SMPD3: variants seen among roughly 807,000 people sequenced by gnomAD.
SMPD3 encodes sphingomyelin phosphodiesterase 3, also known as nSMase-2.
In SMPD3, 21 loss-of-function variants were observed where a neutral mutation model predicts 55.7. The observed-to-expected ratio is 0.38, with a 90% CI of 0.27 to 0.54. The LOEUF is 0.54. Ranked by LOEUF, SMPD3 falls within the 20% of genes least tolerant of loss-of-function variation. The probability of loss-of-function intolerance (pLI) is 0.80; values close to 1 mark genes in which losing one functional copy is unlikely to be tolerated. For missense variants in SMPD3, 842 were observed against 899.6 expected, an observed-to-expected ratio of 0.94 and a Z score of 0.82; for synonymous variants, 457 against 404.3, an observed-to-expected ratio of 1.13 and a Z score of -1.56.
intron 1 of SMPD3, among the ~76,000 whole-genome samples, chr16:68,442,875 C>T (rs72792258): frequency 6.6e-6 from 1 of 152,310 alleles, no homozygotes; most frequent in Non-Finnish European, 1.5e-5. Context: ...TCCAAGCGCC[C>T]TCGGGAAAAG....
chr16:68,405,633 A>C (rs2090248968), intron 1 of SMPD3, among the ~76,000 whole-genome samples: 1 of 151,896 alleles, frequency 6.6e-6, no homozygotes, highest in African/African-American at 2.4e-5. Context: ...TGCCCCCATC[A>C]TGGGCCTCAC....
intron 1 of SMPD3, among the ~76,000 whole-genome samples, chr16:68,428,558 T>G (rs952925477): frequency 1.3e-5 from 2 of 152,116 alleles, no homozygotes; most frequent in Non-Finnish European, 2.9e-5. Flanking sequence ...CTGTCTTGAG[T>G]CTGGACTTCA....
intron 2 of SMPD3, among the ~76,000 whole-genome samples, chr16:68,374,255 T>C (rs1452017183): frequency 6.6e-6 from 1 of 152,184 alleles, no homozygotes; most frequent in Non-Finnish European, 1.5e-5. Context: ...GGGGTTTCTG[T>C]GGGGCATGTC....
At chr16:68,414,724 T>C (rs1482366406) in intron 1 of SMPD3, among the ~76,000 whole-genome samples, 1 of 152,250 alleles carries the variant, frequency 6.6e-6, no homozygotes, top group Non-Finnish European at 1.5e-5. Context: ...AGCCAGATCC[T>C]GCAGACATCA....
At chr16:68,424,799 C>T (rs2090423262) in intron 1 of SMPD3, among the ~76,000 whole-genome samples, 1 of 152,196 alleles carries the variant, frequency 6.6e-6, no homozygotes, top group South Asian at 2.1e-4. Context: ...CAACCTCCGC[C>T]TCCTGGGCTC....
At chr16:68,433,329 C>G (rs2090495317) in intron 1 of SMPD3, among the ~76,000 whole-genome samples, 1 of 152,248 alleles carries the variant, frequency 6.6e-6, no homozygotes, top group Admixed American at 6.5e-5. Flanking sequence ...TTGCCCGACC[C>G]TCATGTGTTC....
intron 1 of SMPD3, among the ~76,000 whole-genome samples, chr16:68,437,213 G>A (rs890072483): frequency 3.3e-5 from 5 of 152,244 alleles, no homozygotes; most frequent in South Asian, 2.1e-4. Context: ...TGAGCAGGGC[G>A]TGAATACTTG....
intron 1 of SMPD3, among the ~76,000 whole-genome samples, chr16:68,434,630 CT>C (rs755972370): frequency 6.6e-6 from 1 of 152,164 alleles, no homozygotes; most frequent in Non-Finnish European, 1.5e-5. Context: ...AGGTGGCCCC[CT>C]GTCATCTTGT....
intron 3 of SMPD3, among the ~76,000 whole-genome samples, chr16:68,367,156 A>G (rs1335113324): frequency 6.6e-6 from 1 of 152,174 alleles, no homozygotes; most frequent in African/African-American, 2.4e-5. Flanking sequence ...GGGCGACAGA[A>G]TGAGACTGTC....
intron 1 of SMPD3, among the ~76,000 whole-genome samples, chr16:68,430,043 A>AC (rs2090467402): frequency 3.3e-5 from 5 of 151,826 alleles, no homozygotes; most frequent in Admixed American, 3.3e-4. Flanking sequence ...TGCACCTGTT[A>AC]CCCCCCAAAT....
chr16:68,372,039 C>T lies in SMPD3; in HGVS notation c.143G>A (p.Arg48Gln), dbSNP rs374071037. 36 of 1,609,762 alleles carry T rather than the reference C, an allele frequency of 2.2e-5. No homozygotes were observed. Among genetic ancestry groups the T allele is most frequent in the South Asian group, 4.4e-5 (4 of 90,230 alleles). Reference protein sequence around the residue: ...FIPTTYEKRQRADDPCCLQLL... With the variant: ...FIPTTYEKRQQADDPCCLQLL... Reference sequence around the variant, plus strand: ...CTGCAGGCAGCACGGGTCGTCTGCCCGCTGGCGCTTCTCGTAGGTGGTGGG... The same window carrying T: ...CTGCAGGCAGCACGGGTCGTCTGCCTGCTGGCGCTTCTCGTAGGTGGTGGG... Residue 48 changes from arginine (R) to glutamine (Q), a missense_variant, in exon 3 of 9, where the codon CGG becomes CAG. Physicochemically the swap from Arg to Gln is conservative, Grantham distance 43 (BLOSUM62 1). Transcript: ENST00000219334.
At chr16:68,427,164 CTT>C (rs2090442733) in intron 1 of SMPD3, among the ~76,000 whole-genome samples, 1 of 151,858 alleles carries the variant, frequency 6.6e-6, no homozygotes, top group Non-Finnish European at 1.5e-5. Flanking sequence ...GCCTGGCTAA[CTT>C]TTGTATTTTC....
intron 2 of SMPD3, among the ~76,000 whole-genome samples, chr16:68,374,241 G>T (rs538720249): frequency 6.6e-6 from 1 of 152,364 alleles, no homozygotes; most frequent in African/African-American, 2.4e-5. Flanking sequence ...CGAGGTGTGC[G>T]GAGGGGGTTT....
At chr16:68,420,639 C>A (rs2090385915) in intron 1 of SMPD3, among the ~76,000 whole-genome samples, 1 of 152,240 alleles carries the variant, frequency 6.6e-6, no homozygotes, top group South Asian at 2.1e-4. Flanking sequence ...TTTGAACCAG[C>A]TGATCAGGAC....
At chr16:68,437,429 T>C (rs1448846830) in intron 1 of SMPD3, among the ~76,000 whole-genome samples, 1 of 152,218 alleles carries the variant, frequency 6.6e-6, no homozygotes, top group Non-Finnish European at 1.5e-5. Flanking sequence ...GCCCTTAACA[T>C]TTCATTTCCA....
chr16:68,444,735 A>G (rs1376407206), intron 1 of SMPD3, among the ~76,000 whole-genome samples: 1 of 152,214 alleles, frequency 6.6e-6, no homozygotes, highest in Non-Finnish European at 1.5e-5. Context: ...CCTGTAGGTG[A>G]TGTTAAGCAC....
chr16:68,388,116 G>A (rs567706458), intron 1 of SMPD3, among the ~76,000 whole-genome samples: 4 of 152,332 alleles, frequency 2.6e-5, no homozygotes, highest in Non-Finnish European at 4.4e-5. Flanking sequence ...ACCGGCACTT[G>A]ATATTGCCAG....
At chr16:68,362,969 T>G (rs2089358769) in intron 7 of SMPD3, among the ~76,000 whole-genome samples, 1 of 152,260 alleles carries the variant, frequency 6.6e-6, no homozygotes, top group Non-Finnish European at 1.5e-5. Context: ...GGTTCTGCTG[T>G]TGGCCTCTCA....
At chr16:68,407,643 A>AT in intron 1 of SMPD3, among the ~76,000 whole-genome samples, 1 of 152,196 alleles carries the variant, frequency 6.6e-6, no homozygotes, top group East Asian at 1.9e-4. Flanking sequence ...CTATTGTTGT[A>AT]TTTTTTAAAA....
Sources: gnomAD v4.1 joint callset for allele counts (sites outside exome capture counted in the v4.1 genomes callset) on GRCh38, gnomAD v4.1.1 for gene constraint, MANE v1.5 for transcripts, NCBI Gene and HGNC (gene_info 2026-07-23, HGNC 2026-07-21) for gene names.